KIRREL2: variants seen among roughly 807,000 people sequenced by gnomAD.
The protein encoded by KIRREL2 is kin of IRRE-like protein 2.
Under a neutral mutation model 73.4 loss-of-function variants are expected in KIRREL2, and 56 were observed. The observed-to-expected ratio is 0.76, with a 90% CI of 0.62 to 0.95. The LOEUF is 0.95. Ranked by LOEUF, KIRREL2 falls within the 40% of genes least tolerant of loss-of-function variation. The pLI is 0.00. For synonymous variants in KIRREL2, 407 were observed against 404.0 expected (o/e 1.01, Z -0.09); for missense variants, 896 against 935.0 (o/e 0.96, Z 0.54).
upstream of KIRREL2, among the ~76,000 whole-genome samples, chr19:35,853,556 G>A (rs1373078156): frequency 6.6e-6 from 1 of 150,714 alleles, no homozygotes; most frequent in Non-Finnish European, 1.5e-5. Context: ...CAGGCTGGAG[G>A]GCAGTGGCAT....
At chr19:35,863,387 C>T (rs1391613630) in intron 13 of KIRREL2, among the ~76,000 whole-genome samples, 3 of 151,218 alleles carry the variant, frequency 2.0e-5, no homozygotes, top group Non-Finnish European at 4.4e-5. Context: ...TTGCACCATG[C>T]ACTCCAGCCT....
At chr19:35,862,839 G>T in intron 12 of KIRREL2, 88 bp from the exon 13 acceptor site, 1 of 817,986 alleles carries the variant, frequency 1.2e-6, no homozygotes, top group Non-Finnish European at 2.0e-6. Flanking sequence ...CAGCCTCATT[G>T]GTTCCCAGTC....
rs570520125 is a variant in KIRREL2, at chr19:35,861,974, C to T, written c.1460C>T (p.Ala487Val). 6 of 1,613,080 alleles carry T rather than the reference C, an allele frequency of 3.7e-6. No individual in the cohort carries two copies. The highest frequency in any genetic ancestry group is 3.3e-5 in the South Asian group (3 of 90,742). ...SDFSRSFNCS[A>V]RNRLGEGGAQ... ...TTTAGCAGGAGCTTTAACTGCAGTG[C>T]CCGGAACCGGCTGGGCGAGGGAGGT... Residue 487 changes from alanine to valine, a missense_variant, in exon 11 of 15, where the codon GCC becomes GTC. Coordinates refer to ENST00000360202, the MANE Select transcript of KIRREL2 (RefSeq NM_199180.4).
In KIRREL2 at chr19:35,862,509, G is replaced by A; in HGVS notation, c.1527G>A (p.Val509=). Residue 509 remains valine, a synonymous_variant, in exon 12 of 15, where the codon GTG becomes GTA. Transcript: ENST00000360202. ...SLGRRDLLPT[V]RIVAGVAAAT... The stretch of plus-strand genomic sequence containing the variant: ...TCCCTGCAGACTTGCTGCCCACTGT[G>A]CGGATAGTGGCCGGAGTGGCCGCTG... 3.1e-6 allele frequency: 5 copies of A among 1,609,986 alleles called. No individual in the cohort carries two copies. The highest frequency in any genetic ancestry group is 4.2e-6 in the Non-Finnish European group (5 of 1,179,900).
upstream of KIRREL2, among the ~76,000 whole-genome samples, chr19:35,854,704 T>C (rs923415129): frequency 6.6e-6 from 1 of 152,206 alleles, no homozygotes; most frequent in Non-Finnish European, 1.5e-5. Flanking sequence ...TCAATCTTTA[T>C]TTCACTGTGT....
intron 3 of KIRREL2, 30 bp from the exon 4 acceptor site, chr19:35,858,674 T>C (rs751326982): frequency 6.2e-7 from 1 of 1,612,542 alleles, no homozygotes; most frequent in South Asian, 1.1e-5. Flanking sequence ...AAGATCAGGA[T>C]CCATCTCTGA....
chr19:35,858,778 T>C lies in KIRREL2; in HGVS notation c.436T>C (p.Cys146Arg), dbSNP rs1408911906. 2 of 1,614,212 alleles carry C rather than the reference T, an allele frequency of 1.2e-6. No individual in the cohort carries two copies. The change falls in exon 4 of 15, where the codon TGT (cysteine) becomes CGT (arginine). Residue 146 changes from cysteine to arginine, a missense_variant. By Grantham distance (180) the Cys-to-Arg change is radical. Coordinates refer to ENST00000360202, the MANE Select transcript of KIRREL2 (RefSeq NM_199180.4). ...TGCTGGAGTTCCTGCGAACCTGACA[T>C]GTCGGAGCCGTGGGGATGCCCGCCC... ...LVAGVPANLT[C>R]RSRGDARPTP... is the part of the protein sequence containing the mutation.
At chr19:35,855,481 C>T (rs895771053), upstream of KIRREL2, among the ~76,000 whole-genome samples, 3 of 151,702 alleles carry the variant, frequency 2.0e-5, no homozygotes, top group Non-Finnish European at 2.9e-5. Flanking sequence ...GTTCCAGCCC[C>T]ATGTCCATCC....
At chr19:35,856,680 G>A (rs919560777), upstream of KIRREL2, 5 of 312,336 alleles carry the variant, frequency 1.6e-5, no homozygotes, top group Non-Finnish European at 3.1e-5. The surrounding 1 kb of genome is among the most constrained non-coding windows in gnomAD (Gnocchi z 5.9). Context: ...CCTCAACCCC[G>A]GCAGGGCGCA....
rs1447641020 is a variant in KIRREL2, at chr19:35,859,500, C to A, written c.542C>A (p.Thr181Asn). Residue 181 changes from threonine (T) to asparagine (N), a missense_variant, in exon 5 of 15, where the codon ACC (threonine) becomes AAC (asparagine). Coordinates refer to ENST00000360202, the MANE Select transcript of KIRREL2 (RefSeq NM_199180.4). ...TFHQTLLKEG[T>N]PGSVESTLTL... ...CTCCAGACCCTGCTGAAGGAAGGGA[C>A]CCCTGGGTCAGTGGAGAGCACCTTA... 1.9e-6 allele frequency: 3 copies of A among 1,614,062 alleles called. No homozygotes were observed. The highest frequency in any genetic ancestry group is 2.5e-6 in the Non-Finnish European group (3 of 1,179,924).
upstream of KIRREL2, among the ~76,000 whole-genome samples, chr19:35,853,974 A>G (rs1973346613): frequency 6.6e-6 from 1 of 150,582 alleles, no homozygotes; most frequent in Non-Finnish European, 1.5e-5. Flanking sequence ...CCTCCTGAGT[A>G]GCTGGGAATA....
At chr19:35,857,208 T>TTTG in intron 1 of KIRREL2, 28 bp downstream of exon 1, 18 of 603,378 alleles carry the variant, frequency 3.0e-5, no homozygotes, top group Non-Finnish European at 3.6e-5. Context: ...CGGAGGAATA[T>TTTG]GGGGTGGGGG....
At chr19:35,854,306 C>CT (rs969782615), upstream of KIRREL2, among the ~76,000 whole-genome samples, 8 of 151,484 alleles carry the variant, frequency 5.3e-5, no homozygotes, top group East Asian at 1.4e-3. Context: ...ATTTATCTTT[C>CT]TTTTTTTTCT....
At chr19:35,858,963 G>A (rs1973551117) in intron 4 of KIRREL2, 99 bp downstream of exon 4, 9 of 1,339,358 alleles carry the variant, frequency 6.7e-6, no homozygotes, top group Non-Finnish European at 8.4e-6. Context: ...ACATGGGAGG[G>A]CAGAGGTTCA....
At position 35,866,480 on chromosome 19, in the gene KIRREL2, G is replaced by A; in HGVS notation, c.2115G>A (p.Gln705=). Residue 705 remains glutamine, a synonymous_variant, in exon 15 of 15, where the codon CAG becomes CAA. Transcript: ENST00000360202. ...AFPTPSHPRL[Q]THV is the part of the protein sequence containing the mutation. ...CCACACCTAGCCACCCGCGTCTCCA[G>A]ACTCACGTGTGACATCTTTCCAATG... The A allele has an allele frequency of 1.2e-6, 2 of 1,612,972 alleles. No individual in the cohort carries two copies. The highest frequency in any genetic ancestry group is 1.7e-6 in the Non-Finnish European group (2 of 1,179,460).
chr19:35,864,802 C>G (rs1973897543), intron 14 of KIRREL2, 89 bp downstream of exon 14: 15 of 1,023,578 alleles, frequency 1.5e-5, no homozygotes. Context: ...CACGCCTGTC[C>G]CCTCCTTTTT....
In KIRREL2 at chr19:35,861,929, C is replaced by A; in HGVS notation, c.1415C>A (p.Ser472Ter). The change falls in exon 11 of 15, where the codon TCG becomes TAG. Residue 472 changes from serine (S) to a stop codon, truncating the protein, a stop_gained. Coordinates refer to ENST00000360202, the MANE Select transcript of KIRREL2 (RefSeq NM_199180.4). LOFTEE classifies it high-confidence loss of function. ...GGCCTGATCTCTGTGCTACACATTTCGGGGACCCAGGAGTCTGACTTTAGC... is the reference window on the plus strand; with the variant it reads ...GGCCTGATCTCTGTGCTACACATTTAGGGGACCCAGGAGTCTGACTTTAGC... Reference protein sequence around the residue: ...GPGLISVLHISGTQESDFSRS... With the variant: ...GPGLISVLHI 1 of 1,612,378 alleles carries A rather than the reference C, an allele frequency of 6.2e-7. No individual in the cohort carries two copies. Among genetic ancestry groups the A allele is most frequent in the Non-Finnish European group, 8.5e-7 (1 of 1,179,432 alleles).
chr19:35,862,624 C>A, intron 12 of KIRREL2, 27 bp downstream of exon 12: 2 of 1,544,218 alleles, frequency 1.3e-6, no homozygotes, highest in East Asian at 4.5e-5. Context: ...CGCCCCGGCT[C>A]CCGAGGCCCC....
intron 9 of KIRREL2, 32 bp downstream of exon 9, chr19:35,861,286 C>A: frequency 1.3e-6 from 2 of 1,514,808 alleles, no homozygotes; most frequent in Non-Finnish European, 1.8e-6. Context: ...GGGGACCTGG[C>A]CCGTCCTGGG....
Sources: allele counts gnomAD v4.1 joint callset (sites outside exome capture counted in the v4.1 genomes callset), GRCh38; gene constraint gnomAD v4.1.1; non-coding constraint Gnocchi (gnomAD v3.1); transcripts MANE v1.5; gene names NCBI Gene and HGNC (gene_info 2026-07-23, HGNC 2026-07-21).